ATF7IP: variants seen among roughly 807,000 people sequenced by gnomAD.
The protein encoded by ATF7IP is activating transcription factor 7-interacting protein 1.
ATF7IP carries 23 observed loss-of-function variants against 106.4 expected under a neutral mutation model. The observed-to-expected ratio is 0.22, with a 90% CI of 0.16 to 0.31. The LOEUF is 0.31. Ranked by LOEUF, ATF7IP falls within the 10% of genes least tolerant of loss-of-function variation. The pLI is 1.00. For synonymous variants in ATF7IP, 542 were observed against 539.0 expected (o/e 1.01, Z -0.08); for missense variants, 1,334 against 1,524.3 (o/e 0.88, Z 2.08).
rs527237163 is a variant in ATF7IP, at chr12:14,418,185, C to T, written c.-7-5724C>T. ...GAGACTTATTTGCAGGTAACATACC[C>T]TTCTCTGGTTATTTAAATATAAATT... On this transcript the variant is annotated intron_variant, in intron 1 of 14. Transcript: ENST00000261168. Among the ~76,000 whole-genome samples the T allele has an allele frequency of 7.2e-5, 11 of 152,056 alleles. No homozygotes were observed. In the East Asian group the frequency reaches 2.1e-3, roughly 29 times the overall value.
At chr12:14,449,111 T>C (rs1406393973) in intron 6 of ATF7IP, among the ~76,000 whole-genome samples, 1 of 152,166 alleles carries the variant, frequency 6.6e-6, no homozygotes, top group Non-Finnish European at 1.5e-5. Context: ...TTTCTCTCGA[T>C]TGTTTCCTTT....
intron 13 of ATF7IP, among the ~76,000 whole-genome samples, chr12:14,493,614 ACAAACT>A (rs1341752347): frequency 6.6e-6 from 1 of 152,162 alleles, no homozygotes; most frequent in African/African-American, 2.4e-5. Flanking sequence ...ATCAGAATTT[ACAAACT>A]CAGTGTCCCC....
chr12:14,396,730 CAA>C (rs879311990), intron 1 of ATF7IP, among the ~76,000 whole-genome samples: 28 of 151,632 alleles, frequency 1.8e-4, no homozygotes, highest in Admixed American at 8.5e-4. Flanking sequence ...TACATATAGA[CAA>C]AGAGAAAAAG....
At chr12:14,422,933 C>T (rs965210238) in intron 1 of ATF7IP, among the ~76,000 whole-genome samples, 39 of 152,160 alleles carry the variant, frequency 2.6e-4, no homozygotes, top group African/African-American at 8.2e-4. Context: ...ATCACTGGGT[C>T]ATATGACAAC....
intron 1 of ATF7IP, among the ~76,000 whole-genome samples, chr12:14,423,571 G>T (rs1591829708): frequency 1.1e-3 from 65 of 57,616 alleles, no homozygotes; most frequent in Admixed American, 1.6e-3. Context: ...TTTTCTTCAG[G>T]TACTTTTTTT....
At chr12:14,376,337 C>T (rs1246956828) in intron 1 of ATF7IP, among the ~76,000 whole-genome samples, 1 of 152,206 alleles carries the variant, frequency 6.6e-6, no homozygotes. Flanking sequence ...AATCAAGCTC[C>T]AGCCTCTTAA....
intron 1 of ATF7IP, among the ~76,000 whole-genome samples, chr12:14,381,867 G>GTTTTTTTT (rs55929147): frequency 2.0e-5 from 3 of 148,364 alleles, no homozygotes; most frequent in Non-Finnish European, 3.0e-5. Flanking sequence ...ATTAATTCTA[G>GTTTTTTTT]TTTTTTTTTT....
intron 5 of ATF7IP, among the ~76,000 whole-genome samples, chr12:14,442,615 G>C (rs1251030876): frequency 6.6e-6 from 1 of 152,128 alleles, no homozygotes; most frequent in Non-Finnish European, 1.5e-5. Context: ...ACAATTTCCT[G>C]TTAGCTAATA....
chr12:14,487,917 C>T (rs1203431466), intron 13 of ATF7IP, among the ~76,000 whole-genome samples: 1 of 152,164 alleles, frequency 6.6e-6, no homozygotes, highest in Admixed American at 6.5e-5. Context: ...TCCCTAAACT[C>T]CTTGCTTCTC....
intron 1 of ATF7IP, among the ~76,000 whole-genome samples, chr12:14,381,855 G>A (rs374444947): frequency 8.2e-6 from 1 of 122,678 alleles, no homozygotes; most frequent in South Asian, 2.8e-4. Context: ...TGGTTGACTA[G>A]AATTAATTCT....
chr12:14,381,206 AT>A (rs1244158200), intron 1 of ATF7IP, among the ~76,000 whole-genome samples: 1 of 152,050 alleles, frequency 6.6e-6, no homozygotes, highest in Non-Finnish European at 1.5e-5. Context: ...TATGTTAGGG[AT>A]TGCTACATTA....
intron 8 of ATF7IP, among the ~76,000 whole-genome samples, chr12:14,458,796 C>T (rs977823401): frequency 1.7e-4 from 26 of 151,978 alleles, no homozygotes; most frequent in Admixed American, 7.2e-4. Context: ...GTACTCGATC[C>T]TGGGCGCTAG....
In ATF7IP at chr12:14,383,787, C is replaced by T. The variant is rs1054473356; in HGVS notation, c.-8+17960C>T. Among the ~76,000 whole-genome samples, 8 of 152,268 alleles carry T rather than the reference C, an allele frequency of 5.3e-5. No individual in the cohort carries two copies. In the East Asian group the frequency reaches 5.8e-4, roughly 11 times the overall value. On this transcript the variant is annotated intron_variant, in intron 1 of 14. Transcript: ENST00000261168. Reference sequence around the variant, plus strand: ...TTGTTGGCCACGCAGGTCTCAAACTCCTGGCTTCAAGAGAGCCTTCCGCCT... The same window carrying T: ...TTGTTGGCCACGCAGGTCTCAAACTTCTGGCTTCAAGAGAGCCTTCCGCCT...
intron 1 of ATF7IP, chr12:14,416,863 T>G: frequency 2.1e-6 from 2 of 967,316 alleles, no homozygotes; most frequent in Non-Finnish European, 1.2e-6. Context: ...CTCACAGGAC[T>G]GAAACATTGA....
At chr12:14,400,173 C>A (rs561200632) in intron 1 of ATF7IP, among the ~76,000 whole-genome samples, 2 of 152,158 alleles carry the variant, frequency 1.3e-5, no homozygotes, top group Admixed American at 6.5e-5. Context: ...GTATTTGTAT[C>A]GCCTTGTCTC....
At chr12:14,399,386 G>C (rs1940055512) in intron 1 of ATF7IP, among the ~76,000 whole-genome samples, 1 of 151,840 alleles carries the variant, frequency 6.6e-6, no homozygotes, top group African/African-American at 2.4e-5. Context: ...TCTGATGCCA[G>C]TTTAATTCTT....
intron 4 of ATF7IP, among the ~76,000 whole-genome samples, chr12:14,437,922 G>A (rs1403674025): frequency 2.0e-5 from 3 of 151,386 alleles, no homozygotes; most frequent in South Asian, 2.1e-4. Flanking sequence ...GCGTAGTGGC[G>A]GGCGCCTGTA....
At chr12:14,481,729 C>CCTG in intron 13 of ATF7IP, 1 of 288,884 alleles carries the variant, frequency 3.5e-6, no homozygotes, top group African/African-American at 2.3e-5. Flanking sequence ...TTGGTATATT[C>CCTG]TCTACTCTAT....
At chr12:14,495,670 C>CTGGG (rs1182254570) in intron 13 of ATF7IP, among the ~76,000 whole-genome samples, 27 of 152,136 alleles carry the variant, frequency 1.8e-4, no homozygotes. Flanking sequence ...AACCAAGGAG[C>CTGGG]TGGGCATGGA....
Sources: gnomAD v4.1 joint callset for allele counts (sites outside exome capture counted in the v4.1 genomes callset) on GRCh38, gnomAD v4.1.1 for gene constraint, MANE v1.5 for transcripts, NCBI Gene and HGNC (gene_info 2026-07-23, HGNC 2026-07-21) for gene names.